GBE1: variants seen among roughly 807,000 people sequenced by gnomAD.
GBE1 encodes 1,4-alpha-glucan-branching enzyme.
A neutral mutation model predicts 88.8 loss-of-function variants in GBE1; 70 were observed. The observed-to-expected ratio is 0.79, with a 90% confidence interval of 0.65 to 0.96. The LOEUF is 0.96. Among genes scored for constraint, GBE1 ranks in the 40% least tolerant of loss-of-function variants. The pLI is 0.00. For missense variants in GBE1, 872 were observed against 871.0 expected (o/e 1.00, Z -0.01); for synonymous variants, 284 against 300.1 (o/e 0.95, Z 0.56).
intron 2 of GBE1, among the ~76,000 whole-genome samples, chr3:81,690,125 A>G (rs947012703): frequency 6.6e-6 from 1 of 152,094 alleles, no homozygotes; most frequent in Non-Finnish European, 1.5e-5. Flanking sequence ...ATCTGTGCCT[A>G]CCCCAGTTTC....
chr3:81,683,650 T>C (rs1012338408), intron 2 of GBE1, among the ~76,000 whole-genome samples: 4 of 152,194 alleles, frequency 2.6e-5, no homozygotes, highest in Non-Finnish European at 4.4e-5. Flanking sequence ...ATGATGATGA[T>C]GTAAGAACTT....
intron 7 of GBE1, among the ~76,000 whole-genome samples, chr3:81,638,895 A>C (rs767855222): frequency 2.0e-5 from 3 of 152,212 alleles, no homozygotes; most frequent in Non-Finnish European, 1.5e-5. Context: ...AAGCAATTCT[A>C]TAACATCAAT....
chr3:81,747,683 T>C (rs2107227624), intron 1 of GBE1, among the ~76,000 whole-genome samples: 1 of 152,278 alleles, frequency 6.6e-6, no homozygotes, highest in Non-Finnish European at 1.5e-5. Context: ...GCTGATGACA[T>C]TCCACCATTG....
intron 1 of GBE1, among the ~76,000 whole-genome samples, chr3:81,732,530 G>C (rs919648286): frequency 2.0e-5 from 3 of 152,094 alleles, no homozygotes; most frequent in Non-Finnish European, 2.9e-5. Flanking sequence ...AAACTTTGAA[G>C]TCACCCTTGA....
chr3:81,593,734 G>C (rs1703914145), intron 8 of GBE1, among the ~76,000 whole-genome samples, 174 bp downstream of exon 8: 1 of 152,092 alleles, frequency 6.6e-6, no homozygotes, highest in African/African-American at 2.4e-5. Flanking sequence ...CAAAGGAAAT[G>C]ATTACCTTTT....
At chr3:81,604,187 TTTATA>T (rs1704071111) in intron 7 of GBE1, among the ~76,000 whole-genome samples, 1 of 152,150 alleles carries the variant, frequency 6.6e-6, no homozygotes. Flanking sequence ...GTGCCTTTTC[TTTATA>T]TTAGTTTCAA....
chr3:81,525,051 A>C (rs937713776), intron 14 of GBE1, among the ~76,000 whole-genome samples: 2 of 151,766 alleles, frequency 1.3e-5, no homozygotes, highest in African/African-American at 4.8e-5. Context: ...TTCTATTTGA[A>C]TGTGTTTGTA....
chr3:81,589,817 CAT>C (rs1703853046), intron 9 of GBE1, among the ~76,000 whole-genome samples: 1 of 151,880 alleles, frequency 6.6e-6, no homozygotes, highest in Admixed American at 6.6e-5. Context: ...TGATGTTTGA[CAT>C]ATAAAATTCA....
intron 7 of GBE1, among the ~76,000 whole-genome samples, chr3:81,603,129 T>G (rs1172301701): frequency 6.6e-6 from 1 of 152,130 alleles, no homozygotes; most frequent in African/African-American, 2.4e-5. Flanking sequence ...CCTTTCCTCT[T>G]TGTTAGCCTC....
Position 81,513,470 on chromosome 3 carries a change from T to C in GBE1, c.1935-14243A>G, listed in dbSNP as rs186984089. On this transcript the variant is annotated intron_variant, in intron 14 of 15. Coordinates refer to ENST00000429644, the MANE Select transcript of GBE1 (RefSeq NM_000158.4). ...ACACTATGTGCTAGAGGGCAAAGAG[T>C]TGGAGTTCTGTCTTAGGAAAATCAA... 6.0e-5 allele frequency among the ~76,000 whole-genome samples: 9 copies of C among 150,760 alleles called. No homozygotes were observed. In the East Asian group the frequency reaches 1.6e-3, roughly 26 times the overall value.
chr3:81,654,371 T>C (rs1050279986), intron 3 of GBE1, among the ~76,000 whole-genome samples: 3 of 152,110 alleles, frequency 2.0e-5, no homozygotes, highest in Non-Finnish European at 4.4e-5. Flanking sequence ...TATTTTAAAG[T>C]GCTTCTTGCA....
chr3:81,746,302 T>TG (rs1706419697), intron 1 of GBE1, among the ~76,000 whole-genome samples: 1 of 152,152 alleles, frequency 6.6e-6, no homozygotes, highest in Admixed American at 6.5e-5. Context: ...CTTGCTCTGT[T>TG]ACCCAGGGGG....
intron 14 of GBE1, among the ~76,000 whole-genome samples, chr3:81,509,323 G>T (rs1702694265): frequency 2.7e-5 from 4 of 145,796 alleles, no homozygotes; most frequent in Admixed American, 6.9e-5. Flanking sequence ...TAAAAAAGAA[G>T]GTACTTCTCA....
chr3:81,620,386 G>A (rs1026702649), intron 7 of GBE1, among the ~76,000 whole-genome samples: 37 of 152,120 alleles, frequency 2.4e-4, no homozygotes, highest in Non-Finnish European at 5.0e-4. Flanking sequence ...GTTTCACTCT[G>A]TTGGCCAGAC....
intron 9 of GBE1, among the ~76,000 whole-genome samples, chr3:81,588,186 C>T (rs1304683707): frequency 1.3e-5 from 2 of 151,320 alleles, no homozygotes; most frequent in Non-Finnish European, 2.9e-5. Flanking sequence ...AAAATGTTTG[C>T]CAGTAATCTT....
intron 1 of GBE1, among the ~76,000 whole-genome samples, chr3:81,753,940 T>G (rs1706568537): frequency 6.6e-6 from 1 of 152,158 alleles, no homozygotes; most frequent in South Asian, 2.1e-4. Flanking sequence ...GGGAACCAAT[T>G]TTTGGTGTGG....
At chr3:81,525,490 C>T (rs1048581421) in intron 14 of GBE1, among the ~76,000 whole-genome samples, 1 of 151,902 alleles carries the variant, frequency 6.6e-6, no homozygotes, top group African/African-American at 2.4e-5. Flanking sequence ...GTCTAAAATT[C>T]TCTTTTATTT....
At chr3:81,592,750 G>A (rs1703896272) in intron 8 of GBE1, among the ~76,000 whole-genome samples, 1 of 152,002 alleles carries the variant, frequency 6.6e-6, no homozygotes, top group Admixed American at 6.6e-5. Flanking sequence ...TCTCGGTGAG[G>A]TAGTTTCTGC....
At chr3:81,726,549 G>T (rs1381054252) in intron 1 of GBE1, among the ~76,000 whole-genome samples, 1 of 149,186 alleles carries the variant, frequency 6.7e-6, no homozygotes, top group Non-Finnish European at 1.5e-5. Context: ...TTATTTGGTA[G>T]TTTTTATTTA....
Sources: allele counts gnomAD v4.1 joint callset (sites outside exome capture counted in the v4.1 genomes callset), GRCh38; gene constraint gnomAD v4.1.1; transcripts MANE v1.5; gene names NCBI Gene and HGNC (gene_info 2026-07-23, HGNC 2026-07-21).